The following ERG variants were observed in gnomAD, a reference collection of about 807,000 sequenced individuals.
The protein encoded by ERG is transcriptional regulator ERG.
In ERG, 9 loss-of-function variants were observed where a neutral mutation model predicts 55.3. The ratio of observed to expected loss-of-function variants is 0.16; its 90% CI spans 0.10 to 0.28. The LOEUF (loss-of-function observed/expected upper bound fraction) is 0.28. Among genes scored for constraint, ERG ranks in the 10% least tolerant of loss-of-function variants. The probability of loss-of-function intolerance (pLI) is 1.00; values close to 1 mark genes in which losing one functional copy is unlikely to be tolerated. For missense variants in ERG, 434 were observed against 631.6 expected, an observed-to-expected ratio of 0.69 and a Z score of 3.35; for synonymous variants, 223 against 237.3, an observed-to-expected ratio of 0.94 and a Z score of 0.55.
At chr21:38,647,524 G>A (rs2060464423) in intron 1 of ERG, among the ~76,000 whole-genome samples, 2 of 152,122 alleles carry the variant, frequency 1.3e-5, no homozygotes, top group African/African-American at 4.8e-5. Context: ...TTCATGTGAG[G>A]AGGGACAATT....
chr21:38,423,525 C>A lies in ERG; in HGVS notation c.273G>T (p.Gly91=), dbSNP rs1280361851. The change falls in exon 3 of 10, where the codon GGG becomes GGT. Residue 91 remains glycine, a synonymous_variant. Transcript: ENST00000288319. ...CGGTGTCTGGGCTGCCCACCATCTTCCCGCCTTTGGCCACACTGCATTCAT... is the reference window on the plus strand; with the variant it reads ...CGGTGTCTGGGCTGCCCACCATCTTACCGCCTTTGGCCACACTGCATTCAT... ...SPDECSVAKG[G]KMVGSPDTVG... is the part of the protein sequence containing the mutation. 1.9e-6 allele frequency: 3 copies of A among 1,614,022 alleles called. No individual in the cohort carries two copies.
intron 2 of ERG, among the ~76,000 whole-genome samples, chr21:38,567,924 T>C (rs2059933180): frequency 6.6e-6 from 1 of 152,214 alleles, no homozygotes; most frequent in South Asian, 2.1e-4. Context: ...TCTGAAACTG[T>C]TTTAGACTCT....
intron 9 of ERG, among the ~76,000 whole-genome samples, 168 bp downstream of exon 9, chr21:38,390,827 C>G (rs968459082): frequency 6.6e-6 from 1 of 152,220 alleles, no homozygotes; most frequent in Admixed American, 6.5e-5. Context: ...AAGCTGAAAT[C>G]TTAATTTATA....
intron 1 of ERG, among the ~76,000 whole-genome samples, chr21:38,463,712 G>A (rs1425697788): frequency 2.0e-5 from 3 of 152,308 alleles, no homozygotes; most frequent in Non-Finnish European, 1.5e-5. Context: ...ATAGAAGTGG[G>A]GCCACCCCTC....
intron 1 of ERG, among the ~76,000 whole-genome samples, chr21:38,477,470 C>T (rs1285930056): frequency 6.6e-6 from 1 of 151,978 alleles, no homozygotes; most frequent in African/African-American, 2.4e-5. Context: ...AACCTGTGAT[C>T]TTGCCTTTAT....
intron 2 of ERG, among the ~76,000 whole-genome samples, chr21:38,430,754 T>C (rs1336523670): frequency 1.3e-5 from 2 of 152,150 alleles, no homozygotes; most frequent in African/African-American, 4.8e-5. Flanking sequence ...AGCAACACCC[T>C]TGGGGCCACA....
At chr21:38,619,464 T>G (rs1380822132) in intron 1 of ERG, among the ~76,000 whole-genome samples, 2 of 152,154 alleles carry the variant, frequency 1.3e-5, no homozygotes, top group Non-Finnish European at 2.9e-5. Context: ...CTTCACTCTC[T>G]GGCCTTGCAG....
At chr21:38,408,271 T>C (rs1384359989) in intron 3 of ERG, among the ~76,000 whole-genome samples, 3 of 152,212 alleles carry the variant, frequency 2.0e-5, no homozygotes, top group Non-Finnish European at 2.9e-5. Flanking sequence ...TTCCCCAGCA[T>C]GAAGCACACA....
rs565144146 is a variant in ERG, at chr21:38,473,750, T to C, written c.18+24613A>G. On this transcript the variant is annotated intron_variant, in intron 1 of 9. Transcript: ENST00000288319. ...TTAAAGTTCACTTAAGTTTTATCTA[T>C]ATAAAGTGTGTGATTTTGGATCTAA... Among the ~76,000 whole-genome samples the C allele has an allele frequency of 9.2e-5, 14 of 152,116 alleles. No individual in the cohort carries two copies. The East Asian group carries it at 1.4e-3, about 15-fold the overall frequency.
intron 2 of ERG, among the ~76,000 whole-genome samples, chr21:38,429,728 T>C (rs1990111291): frequency 9.1e-6 from 1 of 109,498 alleles, no homozygotes; most frequent in Non-Finnish European, 1.9e-5. Flanking sequence ...TGTCTATATA[T>C]ATGTGTGTAT....
At chr21:38,556,474 A>G (rs1156639292) in intron 2 of ERG, among the ~76,000 whole-genome samples, 1 of 152,160 alleles carries the variant, frequency 6.6e-6, no homozygotes, top group Non-Finnish European at 1.5e-5. Flanking sequence ...AGGGCATATG[A>G]GCCAATCACA....
chr21:38,599,695 A>G (rs2060153072), intron 1 of ERG, among the ~76,000 whole-genome samples: 1 of 152,198 alleles, frequency 6.6e-6, no homozygotes, highest in Non-Finnish European at 1.5e-5. Context: ...GCTTTTAAAA[A>G]TTCAACTTCC....
chr21:38,403,196 T>A (rs1019688343), intron 4 of ERG, among the ~76,000 whole-genome samples: 1 of 152,230 alleles, frequency 6.6e-6, no homozygotes, highest in Non-Finnish European at 1.5e-5. Context: ...AACTAATGTG[T>A]GACCAGTTAA....
intron 1 of ERG, among the ~76,000 whole-genome samples, chr21:38,617,736 A>G (rs899689395): frequency 2.0e-5 from 3 of 152,286 alleles, no homozygotes; most frequent in Non-Finnish European, 2.9e-5. Flanking sequence ...TGGTACAGAG[A>G]TGTCCTGCTG....
At chr21:38,424,034 C>T (rs896740432) in intron 2 of ERG, among the ~76,000 whole-genome samples, 9 of 152,198 alleles carry the variant, frequency 5.9e-5, no homozygotes, top group Admixed American at 3.3e-4. Flanking sequence ...CTTCTGTCCT[C>T]CCGAAATGCA....
At chr21:38,396,945 A>C (rs1388609305) in intron 6 of ERG, among the ~76,000 whole-genome samples, 1 of 152,098 alleles carries the variant, frequency 6.6e-6, no homozygotes, top group East Asian at 1.9e-4. Flanking sequence ...AAAATCATAA[A>C]ACCACAGAAT....
At chr21:38,607,323 G>GA (rs994628839) in intron 1 of ERG, among the ~76,000 whole-genome samples, 4 of 152,056 alleles carry the variant, frequency 2.6e-5, no homozygotes, top group East Asian at 3.9e-4. Flanking sequence ...ACCCAGAAAG[G>GA]AAAAAAATGA....
At chr21:38,449,154 CG>C (rs1249323927) in intron 1 of ERG, 1 of 152,196 alleles carries the variant, frequency 6.6e-6, no homozygotes, top group African/African-American at 2.4e-5. Flanking sequence ...ATATTTTAAA[CG>C]TCAAAATCTG....
chr21:38,441,245 G>A (rs1253310508), intron 2 of ERG, among the ~76,000 whole-genome samples: 3 of 151,920 alleles, frequency 2.0e-5, no homozygotes, highest in Non-Finnish European at 2.9e-5. Context: ...TGGCCAGGCC[G>A]TAGCACCCAG....
Sources: allele counts gnomAD v4.1 joint callset (sites outside exome capture counted in the v4.1 genomes callset), GRCh38; gene constraint gnomAD v4.1.1; transcripts MANE v1.5; gene names NCBI Gene and HGNC (gene_info 2026-07-23, HGNC 2026-07-21).